The following CACNB2 variants were observed in gnomAD, a reference collection of about 807,000 sequenced individuals.
The protein encoded by CACNB2 is voltage-dependent L-type calcium channel subunit beta-2.
Under a neutral mutation model 73.3 loss-of-function variants are expected in CACNB2, and 42 were observed. The observed-to-expected ratio is 0.57, with a 90% CI of 0.45 to 0.74. The LOEUF is 0.74. Ranked by LOEUF, CACNB2 falls within the 30% of genes least tolerant of loss-of-function variation. The pLI is 0.00. For missense variants in CACNB2, 940 were observed against 853.0 expected, an observed-to-expected ratio of 1.10 and a Z score of -1.27; for synonymous variants, 348 against 310.3, an observed-to-expected ratio of 1.12 and a Z score of -1.28.
At chr10:18,451,367 A>G (rs764510008) in intron 3 of CACNB2, among the ~76,000 whole-genome samples, 51 of 152,210 alleles carry the variant, frequency 3.4e-4, no homozygotes, top group Non-Finnish European at 6.5e-4. Flanking sequence ...GTAGACCCAC[A>G]AGCTGTCACC....
chr10:18,400,708 A>T, intron 2 of CACNB2: 1 of 1,074,884 alleles, frequency 9.3e-7, no homozygotes, highest in Non-Finnish European at 1.1e-6. Context: ...CGCAGGGAAG[A>T]GAATGTTTAG....
rs1156529532 is a variant in CACNB2 at position 18,266,910 on chromosome 10, G to A, written c.213+115935G>A. Among the ~76,000 whole-genome samples, 4 of 152,056 alleles carry A rather than the reference G, an allele frequency of 2.6e-5. No homozygotes were observed. The East Asian group carries it at 7.7e-4, about 29-fold the overall frequency. On this transcript the variant is annotated intron_variant, in intron 2 of 13. Coordinates refer to ENST00000324631, the MANE Select transcript of CACNB2 (RefSeq NM_201596.3). ...TCTCTAAATAAATAAATAAGTATGAGCTATACACTTATATATGCCTTGGGA... is the reference window on the plus strand; with the variant it reads ...TCTCTAAATAAATAAATAAGTATGAACTATACACTTATATATGCCTTGGGA...
intron 3 of CACNB2, among the ~76,000 whole-genome samples, chr10:18,480,277 T>G (rs1440982709): frequency 6.6e-6 from 1 of 152,068 alleles, no homozygotes; most frequent in East Asian, 1.9e-4. Context: ...TTTAATTGTT[T>G]TTTTAATATT....
chr10:18,467,935 A>G (rs934983999), intron 3 of CACNB2, among the ~76,000 whole-genome samples: 2 of 152,232 alleles, frequency 1.3e-5, no homozygotes, highest in African/African-American at 2.4e-5. Flanking sequence ...ACTGCTTAGT[A>G]TGATACATAC....
At chr10:18,275,681 A>C (rs2038254595) in intron 2 of CACNB2, among the ~76,000 whole-genome samples, 1 of 152,220 alleles carries the variant, frequency 6.6e-6, no homozygotes, top group South Asian at 2.1e-4. Context: ...ATATTAAATG[A>C]GTGGCTCATG....
intron 5 of CACNB2, among the ~76,000 whole-genome samples, chr10:18,504,775 G>A (rs1292140431): frequency 6.6e-6 from 1 of 152,068 alleles, no homozygotes; most frequent in Non-Finnish European, 1.5e-5. Flanking sequence ...CTCCCAAGTA[G>A]CTGGGACTAC....
chr10:18,449,925 G>T (rs79096036), intron 3 of CACNB2, among the ~76,000 whole-genome samples: 2 of 152,234 alleles, frequency 1.3e-5, no homozygotes, highest in East Asian at 3.9e-4. Flanking sequence ...GGATGATGCA[G>T]GCTGGCTCAG....
intron 2 of CACNB2, among the ~76,000 whole-genome samples, chr10:18,227,690 G>C (rs2036050332): frequency 6.6e-6 from 1 of 152,182 alleles, no homozygotes; most frequent in Non-Finnish European, 1.5e-5. Flanking sequence ...ATCTACCATA[G>C]GGAAAGGGAG....
At chr10:18,515,953 C>T (rs1489017297) in intron 7 of CACNB2, among the ~76,000 whole-genome samples, 1 of 152,210 alleles carries the variant, frequency 6.6e-6, no homozygotes, top group East Asian at 1.9e-4. Flanking sequence ...TGGCTCACAC[C>T]TGTAATCCCA....
chr10:18,342,219 C>T (rs1262820796), intron 2 of CACNB2, among the ~76,000 whole-genome samples: 1 of 152,134 alleles, frequency 6.6e-6, no homozygotes, highest in African/African-American at 2.4e-5. Flanking sequence ...ACATGTATAA[C>T]CTAAAATGCA....
At position 18,514,240 on chromosome 10, in the gene CACNB2, A is replaced by C; in HGVS notation, c.675A>C (p.Ile225=). 1 of 1,614,074 alleles carries C rather than the reference A, an allele frequency of 6.2e-7. No individual in the cohort carries two copies. The change falls in exon 7 of 14, where the codon ATA becomes ATC. Residue 225 remains isoleucine (I), a synonymous_variant. Coordinates refer to ENST00000324631, the MANE Select transcript of CACNB2 (RefSeq NM_201596.3). ...SRKSTPPSSA[I]DIDATGLDAE... is the part of the protein sequence containing the mutation. ...TTTTGAATTGTCTGTATATAGCTATAGACATAGATGCTACTGGCTTAGATG... is the reference window on the plus strand; with the variant it reads ...TTTTGAATTGTCTGTATATAGCTATCGACATAGATGCTACTGGCTTAGATG...
chr10:18,300,033 T>TA (rs2039445014), intron 2 of CACNB2, among the ~76,000 whole-genome samples: 1 of 151,864 alleles, frequency 6.6e-6, no homozygotes, highest in African/African-American at 2.4e-5. Flanking sequence ...TTTTTTTTTT[T>TA]ATTTTGAGAC....
intron 2 of CACNB2, among the ~76,000 whole-genome samples, chr10:18,333,740 T>C (rs1274360707): frequency 6.6e-6 from 1 of 152,208 alleles, no homozygotes; most frequent in Non-Finnish European, 1.5e-5. Context: ...GATGACACTG[T>C]TGAGGCATAA....
chr10:18,359,823 T>C (rs934521364), intron 2 of CACNB2, among the ~76,000 whole-genome samples: 6 of 152,090 alleles, frequency 3.9e-5, no homozygotes, highest in Admixed American at 3.3e-4. Context: ...CCACATCTCT[T>C]GAATTTTAAT....
chr10:18,435,483 A>G (rs2046088183), intron 3 of CACNB2, among the ~76,000 whole-genome samples: 1 of 151,834 alleles, frequency 6.6e-6, no homozygotes, highest in African/African-American at 2.4e-5. Context: ...CTACCAAATC[A>G]ATCTTTGACT....
chr10:18,368,227 A>G (rs2042435132), intron 2 of CACNB2, among the ~76,000 whole-genome samples: 1 of 152,204 alleles, frequency 6.6e-6, no homozygotes. Context: ...TGTAAATTTC[A>G]AAATGGTCAT....
At chr10:18,184,460 T>C (rs550605529) in intron 2 of CACNB2, among the ~76,000 whole-genome samples, 1 of 152,286 alleles carries the variant, frequency 6.6e-6, no homozygotes, top group South Asian at 2.1e-4. Flanking sequence ...TGTATAAGTA[T>C]GGTACCTTTG....
At chr10:18,239,901 T>A (rs905266666) in intron 2 of CACNB2, among the ~76,000 whole-genome samples, 1 of 152,208 alleles carries the variant, frequency 6.6e-6, no homozygotes. Context: ...TGGAATTACA[T>A]ATCAAGGAAT....
intron 2 of CACNB2, among the ~76,000 whole-genome samples, chr10:18,289,161 A>C (rs1340439078): frequency 6.6e-6 from 1 of 152,162 alleles, no homozygotes; most frequent in Non-Finnish European, 1.5e-5. Flanking sequence ...TGTAATATCA[A>C]GTTTTGCTTT....
Sources: gnomAD v4.1 joint callset for allele counts (sites outside exome capture counted in the v4.1 genomes callset) on GRCh38, gnomAD v4.1.1 for gene constraint, MANE v1.5 for transcripts, NCBI Gene and HGNC (gene_info 2026-07-23, HGNC 2026-07-21) for gene names.